FLT1: variants seen among roughly 807,000 people sequenced by gnomAD.
FLT1 encodes vascular endothelial growth factor receptor 1.
Under a neutral mutation model 156.3 loss-of-function variants are expected in FLT1, and 49 were observed. The ratio of observed to expected loss-of-function variants is 0.31; its 90% CI spans 0.25 to 0.40. FLT1 has a LOEUF of 0.40. Ranked by LOEUF, FLT1 falls within the 10% of genes least tolerant of loss-of-function variation. The probability of loss-of-function intolerance (pLI) is 1.00; values close to 1 mark genes in which losing one functional copy is unlikely to be tolerated. For synonymous variants in FLT1, 594 were observed against 583.8 expected (o/e 1.02, Z -0.25); for missense variants, 1,322 against 1,637.2 (o/e 0.81, Z 3.32).
At chr13:28,398,480 T>C (rs984708941) in intron 11 of FLT1, among the ~76,000 whole-genome samples, 10 of 152,228 alleles carry the variant, frequency 6.6e-5, no homozygotes, top group African/African-American at 2.4e-4. Flanking sequence ...ATCTAATAAA[T>C]TAAGGTATTT....
intron 10 of FLT1, among the ~76,000 whole-genome samples, chr13:28,418,375 C>T (rs1210078255): frequency 1.3e-5 from 2 of 152,186 alleles, no homozygotes; most frequent in African/African-American, 4.8e-5. Flanking sequence ...CTGCTCAACT[C>T]TAACTCAACA....
chr13:28,428,910 A>G lies in FLT1; in HGVS notation c.1107-989T>C, dbSNP rs1041169526. 3.9e-5 allele frequency among the ~76,000 whole-genome samples: 6 copies of G among 152,314 alleles called. No homozygotes were observed. In the East Asian group the frequency reaches 9.6e-4, roughly 24 times the overall value. ...AGGATGCTACACTTTGTGATTACAA[A>G]TATTGTCTTGGTATTACTTTAAATT... On this transcript the variant is annotated intron_variant, in intron 8 of 29. Coordinates refer to ENST00000282397, the MANE Select transcript of FLT1 (RefSeq NM_002019.4).
intron 20 of FLT1, among the ~76,000 whole-genome samples, chr13:28,326,496 C>T (rs1423063522): frequency 6.6e-6 from 1 of 151,134 alleles, no homozygotes; most frequent in Non-Finnish European, 1.5e-5. Context: ...ATTATTTCTC[C>T]TCCATTCAAT....
At chr13:28,482,148 A>G (rs79554562) in intron 1 of FLT1, among the ~76,000 whole-genome samples, 2,351 of 152,330 alleles carry the variant, frequency 0.015, 62 homozygotes, top group African/African-American at 0.053. Context: ...TTCCTCATGC[A>G]GTTGTGGGAG....
At chr13:28,341,914 C>T (rs888641139) in intron 16 of FLT1, among the ~76,000 whole-genome samples, 6 of 152,076 alleles carry the variant, frequency 3.9e-5, no homozygotes, top group African/African-American at 1.4e-4. Context: ...TGGAGTCTCA[C>T]TCTTGTCGCC....
At chr13:28,477,294 T>C (rs1027006851) in intron 1 of FLT1, among the ~76,000 whole-genome samples, 3 of 152,130 alleles carry the variant, frequency 2.0e-5, no homozygotes, top group East Asian at 1.9e-4. Flanking sequence ...CATGCACAAC[T>C]CCTTTTCATG....
chr13:28,376,472 A>G (rs1293141011), intron 14 of FLT1, among the ~76,000 whole-genome samples: 4 of 152,254 alleles, frequency 2.6e-5, no homozygotes, highest in Non-Finnish European at 5.9e-5. Context: ...GGCTTTACTA[A>G]GAACATCTAA....
At position 28,342,241 on chromosome 13, in the gene FLT1, G is replaced by A. The variant is rs76251034; in HGVS notation, c.2356-2941C>T. 6.5e-3 allele frequency among the ~76,000 whole-genome samples: 983 copies of A among 152,142 alleles called. 3 individuals carry two copies. The highest frequency in any genetic ancestry group is 0.01 in the Non-Finnish European group (700 of 67,992). On this transcript the variant is annotated intron_variant, in intron 16 of 29. Coordinates refer to ENST00000282397, the MANE Select transcript of FLT1 (RefSeq NM_002019.4). ...TGCTAAGTAACCAGACTACTTCCCC[G>A]CTCTGGGGAGTAGGAAGGACTAGGG...
chr13:28,475,733 T>C (rs1172796616), intron 1 of FLT1, among the ~76,000 whole-genome samples: 3 of 152,232 alleles, frequency 2.0e-5, no homozygotes, highest in Non-Finnish European at 2.9e-5. Flanking sequence ...TCTTAACCTC[T>C]GTGTCATATC....
Position 28,300,558 on chromosome 13 carries a change from TAC to T in FLT1, c.*2607_*2608del, listed in dbSNP as rs1870473325. The T allele has an allele frequency of 2.7e-5, 6 of 225,588 alleles. No individual in the cohort carries two copies. The highest frequency in any genetic ancestry group is 5.2e-5 in the Non-Finnish European group (6 of 116,432). 14.0% of individuals were successfully genotyped at this position (225,588 alleles called of 1,614,324 possible). A position where few individuals can be genotyped will look rare whatever the true frequency, so the allele number is the denominator to read the frequency against. On this transcript the variant is annotated 3_prime_UTR_variant, in exon 30 of 30. Transcript: ENST00000282397. ...ACACACACACACACACACACACACA[TAC>T]AGTTACACCACTGTCGGCCAAAGAT...
chr13:28,356,891 C>T (rs539577045), intron 15 of FLT1, among the ~76,000 whole-genome samples: 3 of 152,264 alleles, frequency 2.0e-5, no homozygotes, highest in East Asian at 1.9e-4. Context: ...AAACTGAGGT[C>T]GAAACTGTTT....
chr13:28,417,576 TG>T (rs780088334), intron 10 of FLT1, among the ~76,000 whole-genome samples: 2 of 152,164 alleles, frequency 1.3e-5, no homozygotes, highest in African/African-American at 2.4e-5. Flanking sequence ...ATTAAGTAGC[TG>T]TGAGATGAGA....
At position 28,306,657 on chromosome 13, in the gene FLT1, G is replaced by A. The variant is rs768986855; in HGVS notation, c.3815+21C>T. Reference sequence around the variant, plus strand: ...CGTACCCCTCCATCAACTGATCACAGAAAAGATACCCAATTCTTACTCAAT... The same window carrying A: ...CGTACCCCTCCATCAACTGATCACAAAAAAGATACCCAATTCTTACTCAAT... On this transcript the variant is annotated intron_variant, in intron 29 of 29. Transcript: ENST00000282397. 23 of 1,564,322 alleles carry A rather than the reference G, an allele frequency of 1.5e-5. No individual in the cohort carries two copies. The South Asian group carries it at 1.9e-4, about 13-fold the overall frequency.
chr13:28,317,739 C>T (rs1190466992), intron 24 of FLT1, 142 bp from the exon 25 acceptor site: 25 of 694,816 alleles, frequency 3.6e-5, no homozygotes, highest in Non-Finnish European at 2.1e-5. Context: ...CAGATCTCAA[C>T]ATACCGTACA....
Position 28,486,439 on chromosome 13 carries a change from C to G in FLT1, c.64+8341G>C, listed in dbSNP as rs139262288. Among the ~76,000 whole-genome samples, 808 of 152,286 alleles carry G rather than the reference C, an allele frequency of 5.3e-3. 11 individuals are homozygous for G. Among genetic ancestry groups the G allele is most frequent in the African/African-American group, 0.019 (775 of 41,568 alleles). The stretch of plus-strand genomic sequence containing the variant: ...CACCGGAAATGCAGATACGGAGGCC[C>G]GGATGGAGAGGAAATTTTGCAGTCA... On this transcript the variant is annotated intron_variant, in intron 1 of 29. Coordinates refer to ENST00000282397, the MANE Select transcript of FLT1 (RefSeq NM_002019.4).
chr13:28,356,475 G>A (rs912337291), intron 15 of FLT1, among the ~76,000 whole-genome samples: 3 of 152,142 alleles, frequency 2.0e-5, no homozygotes, highest in Non-Finnish European at 4.4e-5. Context: ...CATTACTAAA[G>A]GTATTTGGGG....
At chr13:28,397,634 G>A (rs936870103) in intron 11 of FLT1, among the ~76,000 whole-genome samples, 2 of 151,808 alleles carry the variant, frequency 1.3e-5, no homozygotes, top group African/African-American at 4.8e-5. Flanking sequence ...CAGTTTTCCC[G>A]CTTTTGTCTC....
rs1390812680 is a variant in FLT1 at position 28,322,604 on chromosome 13, A to G, written c.2953+186T>C. The G allele has an allele frequency of 1.4e-6, 1 of 730,174 alleles. No homozygotes were observed. The highest frequency in any genetic ancestry group is 1.7e-5 in the African/African-American group (1 of 57,164). The allele number at this position is 730,174 out of a possible 1,614,324, so 45.2% of individuals were successfully genotyped here. On this transcript the variant is annotated intron_variant, in intron 21 of 29. Transcript: ENST00000282397. The surrounding 1 kb of genome is among the most constrained non-coding windows in gnomAD (Gnocchi z 4.3). ...AAAATCCCTGAGGGGAGAAAACGGT[A>G]CAGTTCCCTGTCAAAATTAGTAACT... is the stretch of plus-strand genomic sequence containing the variant.
At chr13:28,450,140 A>G (rs987317981) in intron 3 of FLT1, among the ~76,000 whole-genome samples, 4 of 152,228 alleles carry the variant, frequency 2.6e-5, no homozygotes, top group Non-Finnish European at 5.9e-5. Context: ...CACTGTGCAC[A>G]CGGACAGTCC....
Sources: gnomAD v4.1 joint callset for allele counts (sites outside exome capture counted in the v4.1 genomes callset) on GRCh38, gnomAD v4.1.1 for gene constraint, Gnocchi (gnomAD v3.1) non-coding constraint, MANE v1.5 for transcripts, NCBI Gene and HGNC (gene_info 2026-07-23, HGNC 2026-07-21) for gene names.